Variants in PARD3B observed in about 807,000 individuals in gnomAD.
PARD3B encodes the protein par-3 family cell polarity regulator beta.
Under a neutral mutation model 130.2 loss-of-function variants are expected in PARD3B, and 103 were observed. The observed-to-expected ratio is 0.79, with a 90% CI of 0.67 to 0.93. The LOEUF is 0.93. Ranked by LOEUF, PARD3B falls within the 40% of genes least tolerant of loss-of-function variation. PARD3B has a pLI of 0.00. For missense variants in PARD3B, 1,609 were observed against 1,499.2 expected, an observed-to-expected ratio of 1.07 and a Z score of -1.21; for synonymous variants, 583 against 553.2, an observed-to-expected ratio of 1.05 and a Z score of -0.76.
intron 10 of PARD3B, among the ~76,000 whole-genome samples, chr2:205,156,855 G>A (rs2034204850): frequency 6.6e-6 from 1 of 152,150 alleles, no homozygotes; most frequent in Non-Finnish European, 1.5e-5. Context: ...TAATGATAAT[G>A]CAACCTGATT....
chr2:204,952,726 C>T (rs898009931), intron 2 of PARD3B, among the ~76,000 whole-genome samples: 3 of 152,164 alleles, frequency 2.0e-5, no homozygotes, highest in Admixed American at 1.3e-4. Flanking sequence ...CGGTCAGGCG[C>T]GGTGGCTCAC....
rs1398420326 is a variant in PARD3B at position 205,291,091 on chromosome 2, C to A, written c.2186-9439C>A. Reference sequence around the variant, plus strand: ...AAGTAAAATGACACTATAACAAATACCTAAAAATATGGAAACAGCTTTGAA... The same window carrying A: ...AAGTAAAATGACACTATAACAAATAACTAAAAATATGGAAACAGCTTTGAA... On this transcript the variant is annotated intron_variant, in intron 16 of 22. Transcript: ENST00000406610. This position sits in a 1 kb window ranked among gnomAD's most constrained non-coding sequence, Gnocchi z 4.6. Among the ~76,000 whole-genome samples, 1 of 152,060 alleles carries A rather than the reference C, an allele frequency of 6.6e-6. No individual in the cohort carries two copies. Among genetic ancestry groups the A allele is most frequent in the Non-Finnish European group, 1.5e-5 (1 of 68,030 alleles).
rs971015730 is a variant in PARD3B, at chr2:205,281,012, G to A, written c.2186-19518G>A. ...TTAACTTTACTTATGAGCAAAGGCTGAAACACTGTGAAAGCCTTTTTATTA... is the reference window on the plus strand; with the variant it reads ...TTAACTTTACTTATGAGCAAAGGCTAAAACACTGTGAAAGCCTTTTTATTA... On this transcript the variant is annotated intron_variant, in intron 16 of 22. Coordinates refer to ENST00000406610, the MANE Select transcript of PARD3B (RefSeq NM_001302769.2). The surrounding 1 kb of genome is among the most constrained non-coding windows in gnomAD (Gnocchi z 4.2). Among the ~76,000 whole-genome samples, 3 of 152,170 alleles carry A rather than the reference G, an allele frequency of 2.0e-5. No individual in the cohort carries two copies. The highest frequency in any genetic ancestry group is 4.4e-5 in the Non-Finnish European group (3 of 68,036).
intron 6 of PARD3B, among the ~76,000 whole-genome samples, chr2:205,115,305 G>A (rs922642570): frequency 5.3e-5 from 8 of 152,128 alleles, no homozygotes; most frequent in African/African-American, 1.7e-4. Context: ...CAGAACAACT[G>A]GATTTGAATC....
At chr2:205,428,631 T>A (rs1413694397) in intron 19 of PARD3B, among the ~76,000 whole-genome samples, 1 of 152,174 alleles carries the variant, frequency 6.6e-6, no homozygotes, top group Non-Finnish European at 1.5e-5. Flanking sequence ...ATATTGATAT[T>A]ATCATTTTAA....
intron 3 of PARD3B, among the ~76,000 whole-genome samples, chr2:205,025,889 T>A (rs1696985844): frequency 6.6e-6 from 1 of 152,228 alleles, no homozygotes; most frequent in Non-Finnish European, 1.5e-5. Context: ...CCATTAATTC[T>A]GTGTGTCCTG....
At chr2:205,087,560 A>G (rs1471479962) in intron 4 of PARD3B, among the ~76,000 whole-genome samples, 1 of 152,140 alleles carries the variant, frequency 6.6e-6, no homozygotes, top group African/African-American at 2.4e-5. Context: ...TAGGTTGTCT[A>G]CATTTTATAA....
intron 3 of PARD3B, among the ~76,000 whole-genome samples, chr2:205,004,158 G>A (rs1695068993): frequency 6.6e-6 from 1 of 152,144 alleles, no homozygotes; most frequent in Non-Finnish European, 1.5e-5. Context: ...TCACTATACT[G>A]CTTCTTGAAA....
At chr2:204,809,429 A>AT (rs2042887072) in intron 2 of PARD3B, among the ~76,000 whole-genome samples, 1 of 152,226 alleles carries the variant, frequency 6.6e-6, no homozygotes, top group East Asian at 1.9e-4. Context: ...TAAGTCTTTA[A>AT]TCCATCTTGA....
chr2:205,023,239 GA>G (rs1468285651), intron 3 of PARD3B, among the ~76,000 whole-genome samples: 1 of 152,120 alleles, frequency 6.6e-6, no homozygotes, highest in Non-Finnish European at 1.5e-5. Flanking sequence ...GGATTGCAGA[GA>G]AGGCTTTGTT....
intron 3 of PARD3B, among the ~76,000 whole-genome samples, chr2:205,013,935 T>G (rs1231157472): frequency 6.6e-6 from 1 of 152,184 alleles, no homozygotes; most frequent in Non-Finnish European, 1.5e-5. Context: ...CTGTGAAATC[T>G]GCAGACAGAG....
chr2:205,453,538 T>A (rs2048173986), intron 20 of PARD3B, among the ~76,000 whole-genome samples: 1 of 152,172 alleles, frequency 6.6e-6, no homozygotes, highest in Admixed American at 6.5e-5. Flanking sequence ...ATTTCACCGA[T>A]GAAAAACTAG....
At position 205,550,848 on chromosome 2, in the gene PARD3B, T is replaced by TTATATGTATATTTGTATGTA. The variant is rs779738266; in HGVS notation, c.3181-2450_3181-2431dup. Among the ~76,000 whole-genome samples the TTATATGTATATTTGTATGTA allele has an allele frequency of 6.7e-6, 1 of 148,666 alleles. No homozygotes were observed. Among genetic ancestry groups the TTATATGTATATTTGTATGTA allele is most frequent in the Admixed American group, 6.8e-5 (1 of 14,794 alleles). On this transcript the variant is annotated intron_variant, in intron 21 of 22. Transcript: ENST00000406610. This position sits in a 1 kb window ranked among gnomAD's most constrained non-coding sequence, Gnocchi z 4.5. ...TATATTTTATGTATATTTGAATATT[T>TTATATGTATATTTGTATGTA]TATATGTATATTTGTATGTATATAT... is the stretch of plus-strand genomic sequence containing the variant.
chr2:205,466,792 A>G (rs1045570120), intron 20 of PARD3B, among the ~76,000 whole-genome samples: 45 of 152,242 alleles, frequency 3.0e-4, no homozygotes, highest in Non-Finnish European at 1.0e-4. Flanking sequence ...GGCTCACTGC[A>G]ATCTCCACCT....
At chr2:205,395,194 T>C (rs2045983739) in intron 18 of PARD3B, among the ~76,000 whole-genome samples, 1 of 152,162 alleles carries the variant, frequency 6.6e-6, no homozygotes, top group Admixed American at 6.5e-5. Flanking sequence ...ACCCAGTCTA[T>C]AATGGTTGTA....
At chr2:205,233,461 T>TA (rs1177997175) in intron 15 of PARD3B, among the ~76,000 whole-genome samples, 4 of 152,158 alleles carry the variant, frequency 2.6e-5, no homozygotes, top group Non-Finnish European at 5.9e-5. Flanking sequence ...GAATGTGTTT[T>TA]AAAATTTTCC....
At chr2:204,765,959 G>A (rs2041126479) in intron 2 of PARD3B, among the ~76,000 whole-genome samples, 1 of 152,166 alleles carries the variant, frequency 6.6e-6, no homozygotes, top group African/African-American at 2.4e-5. Flanking sequence ...GCAGTTAATA[G>A]TAATGGTTTC....
At chr2:205,198,697 G>T (rs779839792) in intron 15 of PARD3B, among the ~76,000 whole-genome samples, 12 of 151,886 alleles carry the variant, frequency 7.9e-5, no homozygotes, top group Non-Finnish European at 1.6e-4. Flanking sequence ...CATGAAAAAA[G>T]CCCCATTCTA....
At chr2:205,195,507 A>G (rs1349380628) in intron 15 of PARD3B, among the ~76,000 whole-genome samples, 2 of 152,216 alleles carry the variant, frequency 1.3e-5, no homozygotes, top group African/African-American at 2.4e-5. Flanking sequence ...CAGGGAGCCT[A>G]ACAAATGTGT....
Sources: allele counts gnomAD v4.1 joint callset (sites outside exome capture counted in the v4.1 genomes callset), GRCh38; gene constraint gnomAD v4.1.1; non-coding constraint Gnocchi (gnomAD v3.1); transcripts MANE v1.5; gene names NCBI Gene and HGNC (gene_info 2026-07-23, HGNC 2026-07-21).